Variants in DKK2 observed in about 807,000 individuals in gnomAD.
The protein encoded by DKK2 is dickkopf-related protein 2.
DKK2 carries 11 observed loss-of-function variants against 28.1 expected under a neutral mutation model. That is an observed-to-expected ratio of 0.39 (90% CI 0.25 to 0.65). The LOEUF (loss-of-function observed/expected upper bound fraction) is 0.65, where lower values mean the gene tolerates loss of function less well. Ranked by LOEUF, DKK2 falls within the 30% of genes least tolerant of loss-of-function variation. The pLI, the probability that DKK2 is intolerant of heterozygous loss-of-function variation, is 0.47. For missense variants in DKK2, 326 were observed against 335.5 expected, an observed-to-expected ratio of 0.97 and a Z score of 0.22; for synonymous variants, 135 against 126.5, an observed-to-expected ratio of 1.07 and a Z score of -0.45.
At chr4:106,971,896 G>C (rs916406769) in intron 1 of DKK2, among the ~76,000 whole-genome samples, 2 of 151,938 alleles carry the variant, frequency 1.3e-5, no homozygotes, top group African/African-American at 4.8e-5. Context: ...ATTTTGCAGT[G>C]GGTGGCCTAG....
In DKK2 at chr4:107,020,939, T is replaced by C. The variant is rs566121165; in HGVS notation, c.222+14431A>G. Among the ~76,000 whole-genome samples the C allele has an allele frequency of 2.0e-5, 3 of 152,204 alleles. No individual in the cohort carries two copies. The East Asian group carries it at 5.8e-4, about 29-fold the overall frequency. On this transcript the variant is annotated intron_variant, in intron 1 of 3. Coordinates refer to ENST00000285311, the MANE Select transcript of DKK2 (RefSeq NM_014421.3). The stretch of plus-strand genomic sequence containing the variant: ...ATACCACTGACCTAGGTTCATTAAC[T>C]GCTTCTGGAACACCATGATTCTTTT...
chr4:106,950,174 C>T lies in DKK2; in HGVS notation c.223-24225G>A, dbSNP rs182233602. Among the ~76,000 whole-genome samples the T allele has an allele frequency of 2.4e-3, 361 of 152,230 alleles. 2 individuals carry two copies. In the South Asian group the frequency reaches 0.029, roughly 12 times the overall value. On this transcript the variant is annotated intron_variant, in intron 1 of 3. Transcript: ENST00000285311. Reference sequence around the variant, plus strand: ...AGGTCTTCAAGAAATATTCTAAATGCTACTTTATTTCTTTTTAACAACAGT... The same window carrying T: ...AGGTCTTCAAGAAATATTCTAAATGTTACTTTATTTCTTTTTAACAACAGT...
At chr4:106,927,990 T>C (rs1049007831) in intron 1 of DKK2, among the ~76,000 whole-genome samples, 1 of 152,146 alleles carries the variant, frequency 6.6e-6, no homozygotes, top group Admixed American at 6.5e-5. Flanking sequence ...CCCCCCAAAA[T>C]AGTCCACAGG....
At chr4:106,963,333 A>G (rs1722720992) in intron 1 of DKK2, among the ~76,000 whole-genome samples, 2 of 151,694 alleles carry the variant, frequency 1.3e-5, no homozygotes, top group South Asian at 2.1e-4. Flanking sequence ...AGCCTGGGCG[A>G]CACAGTTAGA....
At chr4:106,963,345 T>A (rs1423514140) in intron 1 of DKK2, among the ~76,000 whole-genome samples, 3 of 149,292 alleles carry the variant, frequency 2.0e-5, no homozygotes, top group Non-Finnish European at 4.5e-5. Flanking sequence ...ACAGTTAGAC[T>A]CTGTCTAAAA....
intron 1 of DKK2, among the ~76,000 whole-genome samples, chr4:106,937,231 G>T (rs1270688659): frequency 1.4e-5 from 2 of 144,002 alleles, no homozygotes; most frequent in Non-Finnish European, 3.0e-5. Flanking sequence ...CATCTCACGT[G>T]CAGAGACACA....
chr4:106,943,266 C>T (rs1724728032), intron 1 of DKK2, among the ~76,000 whole-genome samples: 1 of 152,098 alleles, frequency 6.6e-6, no homozygotes, highest in African/African-American at 2.4e-5. Flanking sequence ...TTCGTCTGCC[C>T]TACCTATACT....
chr4:107,008,954 T>A (rs530788242), intron 1 of DKK2, among the ~76,000 whole-genome samples: 1 of 152,136 alleles, frequency 6.6e-6, no homozygotes, highest in Admixed American at 6.6e-5. Flanking sequence ...TATCAGTTCC[T>A]TACTCTATGA....
intron 1 of DKK2, among the ~76,000 whole-genome samples, chr4:107,023,633 T>C (rs1199689045): frequency 2.0e-5 from 3 of 152,116 alleles, no homozygotes; most frequent in Non-Finnish European, 4.4e-5. Flanking sequence ...GTATGGGTTT[T>C]ATTAATAATA....
chr4:107,034,733 T>G lies in DKK2; in HGVS notation c.222+637A>C, dbSNP rs185647449. On this transcript the variant is annotated intron_variant, in intron 1 of 3. Coordinates refer to ENST00000285311, the MANE Select transcript of DKK2 (RefSeq NM_014421.3). The stretch of plus-strand genomic sequence containing the variant: ...TGTTTTGTCTGTGACCTTACTTCTT[T>G]GAAGAGAGTAAGTGGTTGGAAGGGA... 5.6e-3 allele frequency among the ~76,000 whole-genome samples: 854 copies of G among 152,254 alleles called. 6 individuals carry two copies. Among genetic ancestry groups the G allele is most frequent in the Non-Finnish European group, 7.0e-3 (474 of 68,020 alleles).
In DKK2 at chr4:106,922,668, A is replaced by C. The variant is rs1162753660; in HGVS notation, c.*1286T>G. The C allele has an allele frequency of 6.6e-6, 1 of 152,190 alleles. No homozygotes were observed. The highest frequency in any genetic ancestry group is 1.9e-4 in the East Asian group (1 of 5,184). 9.4% of individuals were successfully genotyped at this position (152,190 alleles called of 1,614,324 possible). On this transcript the variant is annotated 3_prime_UTR_variant, in exon 4 of 4. Coordinates refer to ENST00000285311, the MANE Select transcript of DKK2 (RefSeq NM_014421.3). ...AGTCCATTTTGTGAAACCTCCTGAA[A>C]TTGAGATTATTTGAGGATCTCAGCA...
intron 1 of DKK2, among the ~76,000 whole-genome samples, chr4:106,927,581 T>G (rs1724441656): frequency 1.3e-5 from 2 of 152,178 alleles, no homozygotes; most frequent in Non-Finnish European, 2.9e-5. Flanking sequence ...TGCATTTCAT[T>G]GTTCCACTCT....
intron 1 of DKK2, among the ~76,000 whole-genome samples, chr4:106,980,533 C>A (rs1031630711): frequency 1.1e-4 from 16 of 151,754 alleles, no homozygotes; most frequent in Non-Finnish European, 2.1e-4. Context: ...GATAACTCAT[C>A]CCAAAAGTAT....
chr4:107,030,404 T>C (rs1213043674), intron 1 of DKK2, among the ~76,000 whole-genome samples: 5 of 152,070 alleles, frequency 3.3e-5, no homozygotes, highest in African/African-American at 1.2e-4. Flanking sequence ...CGATGCTACA[T>C]AATGCAATAT....
intron 1 of DKK2, among the ~76,000 whole-genome samples, chr4:106,968,078 G>A (rs1412089947): frequency 2.7e-5 from 4 of 148,736 alleles, no homozygotes; most frequent in Non-Finnish European, 5.9e-5. Flanking sequence ...GGGAGAGAAA[G>A]GAAGGGAAAA....
At chr4:107,014,004 A>C (rs904280438) in intron 1 of DKK2, among the ~76,000 whole-genome samples, 1 of 151,612 alleles carries the variant, frequency 6.6e-6, no homozygotes, top group Non-Finnish European at 1.5e-5. Context: ...ACCGGCAAGG[A>C]TGTGGAGAAA....
intron 1 of DKK2, among the ~76,000 whole-genome samples, chr4:107,012,728 T>G (rs891686386): frequency 2.0e-5 from 3 of 151,174 alleles, no homozygotes; most frequent in Non-Finnish European, 4.5e-5. Flanking sequence ...CTTTCTCTAA[T>G]ACTGTTTATC....
At chr4:106,993,566 G>A (rs1285115420) in intron 1 of DKK2, among the ~76,000 whole-genome samples, 1 of 151,982 alleles carries the variant, frequency 6.6e-6, no homozygotes, top group South Asian at 2.1e-4. Context: ...GGATTAAAGG[G>A]GGAATATATA....
intron 1 of DKK2, among the ~76,000 whole-genome samples, chr4:106,947,582 G>T (rs760688820): frequency 6.6e-6 from 1 of 151,874 alleles, no homozygotes; most frequent in Non-Finnish European, 1.5e-5. Context: ...CTTCTCTTTG[G>T]CAAAGAACCT....
Sources: gnomAD v4.1 joint callset for allele counts (sites outside exome capture counted in the v4.1 genomes callset) on GRCh38, gnomAD v4.1.1 for gene constraint, MANE v1.5 for transcripts, NCBI Gene and HGNC (gene_info 2026-07-23, HGNC 2026-07-21) for gene names.